The following TEAD1 variants were observed in gnomAD, a reference collection of about 807,000 sequenced individuals.
The protein encoded by TEAD1 is transcriptional enhancer factor TEF-1.
TEAD1 carries 9 observed loss-of-function variants against 54.9 expected under a neutral mutation model. The observed-to-expected ratio is 0.16, with a 90% CI of 0.10 to 0.29. TEAD1 has a LOEUF of 0.29. TEAD1 is among the 10% of genes least tolerant of loss of function. The pLI is 1.00. For synonymous variants in TEAD1, 200 were observed against 187.8 expected (o/e 1.07, Z -0.53); for missense variants, 387 against 535.9 (o/e 0.72, Z 2.74).
intron 3 of TEAD1, 76 bp downstream of exon 3, chr11:12,764,510 C>T: frequency 2.0e-6 from 3 of 1,531,808 alleles, no homozygotes; most frequent in Non-Finnish European, 2.7e-6. Flanking sequence ...GCTGGTCTTC[C>T]AGCAAGAGCT....
intron 4 of TEAD1, among the ~76,000 whole-genome samples, chr11:12,863,360 T>G (rs1476528154): frequency 2.0e-5 from 3 of 152,156 alleles, no homozygotes; most frequent in Non-Finnish European, 4.4e-5. Context: ...TGGGGGATGC[T>G]AGTGGCCCTC....
At chr11:12,860,516 A>G (rs1010172409) in intron 3 of TEAD1, among the ~76,000 whole-genome samples, 2 of 152,188 alleles carry the variant, frequency 1.3e-5, no homozygotes, top group African/African-American at 4.8e-5. Context: ...TTCTCAGACA[A>G]GATTTCCCTA....
chr11:12,701,768 G>C (rs919776712), intron 2 of TEAD1, among the ~76,000 whole-genome samples: 3 of 152,158 alleles, frequency 2.0e-5, no homozygotes, highest in Admixed American at 1.3e-4. Flanking sequence ...GACTTTAAGA[G>C]ACTTAGAGCT....
chr11:12,746,991 G>A (rs1331812344), intron 2 of TEAD1, among the ~76,000 whole-genome samples: 1 of 152,228 alleles, frequency 6.6e-6, no homozygotes, highest in Non-Finnish European at 1.5e-5. Flanking sequence ...GGAGTTGGTT[G>A]TTGAGGCCAC....
intron 11 of TEAD1, among the ~76,000 whole-genome samples, chr11:12,925,940 A>G (rs1948896674): frequency 6.6e-6 from 1 of 152,218 alleles, no homozygotes; most frequent in African/African-American, 2.4e-5. Flanking sequence ...ATTAGGATCC[A>G]ATCTCTTTTT....
intron 3 of TEAD1, among the ~76,000 whole-genome samples, chr11:12,828,810 A>G (rs1313325249): frequency 7.8e-6 from 1 of 127,874 alleles, no homozygotes; most frequent in African/African-American, 2.9e-5. Flanking sequence ...TTTTTTCTGT[A>G]TAGCCTTACT....
At chr11:12,695,674 AGACTGATG>A (rs1230194620) in intron 2 of TEAD1, among the ~76,000 whole-genome samples, 1 of 152,250 alleles carries the variant, frequency 6.6e-6, no homozygotes, top group Non-Finnish European at 1.5e-5. Flanking sequence ...AAATGGACCC[AGACTGATG>A]GACTCTTTGG....
In TEAD1 at chr11:12,863,090, G is replaced by A. The variant is rs189118644; in HGVS notation, c.267+776G>A. ...TCACAGAAAAGAATTATTTTTTAAT[G>A]TCGATTTATGCTGAATGATACAGCA... is the stretch of plus-strand genomic sequence containing the variant. On this transcript the variant is annotated intron_variant, in intron 4 of 12. Coordinates refer to ENST00000527636, the MANE Select transcript of TEAD1 (RefSeq NM_021961.6). Among the ~76,000 whole-genome samples the A allele has an allele frequency of 6.2e-4, 94 of 152,100 alleles. 1 individual carries two copies. Among genetic ancestry groups the A allele is most frequent in the African/African-American group, 2.2e-3 (91 of 41,520 alleles).
intron 9 of TEAD1, among the ~76,000 whole-genome samples, chr11:12,900,196 G>T (rs985564668): frequency 2.0e-5 from 3 of 151,696 alleles, no homozygotes; most frequent in African/African-American, 7.3e-5. Flanking sequence ...CAGGTAGCTG[G>T]AACTACAGGC....
At chr11:12,863,089 T>C (rs1228130645) in intron 4 of TEAD1, among the ~76,000 whole-genome samples, 2 of 152,024 alleles carry the variant, frequency 1.3e-5, no homozygotes, top group Non-Finnish European at 2.9e-5. Context: ...TATTTTTTAA[T>C]GTCGATTTAT....
At chr11:12,865,256 A>G (rs1193720393) in intron 5 of TEAD1, 1 of 229,326 alleles carries the variant, frequency 4.4e-6, no homozygotes, top group Non-Finnish European at 8.7e-6. Flanking sequence ...AGGAAAGCTT[A>G]AAAAAAGAAA....
chr11:12,843,174 G>C (rs1301875978), intron 3 of TEAD1, among the ~76,000 whole-genome samples: 1 of 152,164 alleles, frequency 6.6e-6, no homozygotes, highest in African/African-American at 2.4e-5. Flanking sequence ...GCCCTTTCTT[G>C]GTCTTGGGAG....
chr11:12,678,960 A>G (rs996248251), intron 2 of TEAD1, among the ~76,000 whole-genome samples: 1 of 152,146 alleles, frequency 6.6e-6, no homozygotes, highest in Admixed American at 6.5e-5. Context: ...GGTTTTCAGG[A>G]TGATGTTTCT....
chr11:12,721,694 A>G (rs1030716044), intron 2 of TEAD1, among the ~76,000 whole-genome samples: 3 of 152,202 alleles, frequency 2.0e-5, no homozygotes, highest in Non-Finnish European at 4.4e-5. Context: ...AATTATTTCA[A>G]CAGAAAAAAA....
intron 2 of TEAD1, among the ~76,000 whole-genome samples, chr11:12,758,618 G>A (rs952533508): frequency 1.3e-5 from 2 of 152,012 alleles, no homozygotes; most frequent in Non-Finnish European, 2.9e-5. Context: ...GTTTCATCAC[G>A]TTAGCCAGGA....
At chr11:12,748,004 C>T (rs915673411) in intron 2 of TEAD1, among the ~76,000 whole-genome samples, 43 of 151,918 alleles carry the variant, frequency 2.8e-4, no homozygotes, top group Admixed American at 2.7e-3. Flanking sequence ...CTCTGTTGCC[C>T]AGGCTGGAGT....
intron 2 of TEAD1, among the ~76,000 whole-genome samples, chr11:12,698,017 C>T (rs1319062261): frequency 2.1e-5 from 3 of 144,834 alleles, no homozygotes; most frequent in Non-Finnish European, 3.0e-5. Flanking sequence ...AGCGAAACTC[C>T]GTCTCAAAAA....
chr11:12,772,873 C>T (rs1945340754), intron 3 of TEAD1, among the ~76,000 whole-genome samples: 1 of 152,136 alleles, frequency 6.6e-6, no homozygotes, highest in Admixed American at 6.5e-5. Flanking sequence ...TAGTCTTGTG[C>T]AGGTTCATGT....
At chr11:12,736,479 G>A (rs1944534532) in intron 2 of TEAD1, among the ~76,000 whole-genome samples, 1 of 152,182 alleles carries the variant, frequency 6.6e-6, no homozygotes, top group Non-Finnish European at 1.5e-5. Context: ...TTATTGTAAA[G>A]TGGGATACAA....
Sources: gnomAD v4.1 joint callset for allele counts (sites outside exome capture counted in the v4.1 genomes callset) on GRCh38, gnomAD v4.1.1 for gene constraint, MANE v1.5 for transcripts, NCBI Gene and HGNC (gene_info 2026-07-23, HGNC 2026-07-21) for gene names.